Variants in DNAH12 observed in about 807,000 individuals in gnomAD.
The protein encoded by DNAH12 is axonemal beta dynein heavy chain 12.
DNAH12 carries 285 observed loss-of-function variants against 371.5 expected under a neutral mutation model. That is an observed-to-expected ratio of 0.77 (90% CI 0.70 to 0.85). The LOEUF is 0.85. Ranked by LOEUF, DNAH12 falls within the 40% of genes least tolerant of loss-of-function variation. The pLI, the probability that DNAH12 is intolerant of heterozygous loss-of-function variation, is 0.00. For missense variants in DNAH12, 3,611 were observed against 3,689.4 expected (o/e 0.98, Z 0.55); for synonymous variants, 1,200 against 1,213.0 (o/e 0.99, Z 0.22).
At chr3:57,331,656 C>T (rs936347734) in intron 62 of DNAH12, among the ~76,000 whole-genome samples, 4 of 152,040 alleles carry the variant, frequency 2.6e-5, no homozygotes, top group African/African-American at 4.8e-5. Context: ...AAGGAAGAAA[C>T]GAAGGGACTA....
At chr3:57,448,772 G>C (rs931978361) in intron 25 of DNAH12, among the ~76,000 whole-genome samples, 1 of 152,218 alleles carries the variant, frequency 6.6e-6, no homozygotes. Flanking sequence ...GTCCCCATCA[G>C]ATTAGTTAGA....
At chr3:57,366,264 T>A (rs1170236493) in intron 57 of DNAH12, among the ~76,000 whole-genome samples, 1 of 152,114 alleles carries the variant, frequency 6.6e-6, no homozygotes, top group Non-Finnish European at 1.5e-5. Flanking sequence ...AAAGTTACCC[T>A]CTATGGTCTA....
chr3:57,539,906 G>T (rs753588602), intron 2 of DNAH12, among the ~76,000 whole-genome samples: 4 of 151,628 alleles, frequency 2.6e-5, no homozygotes, highest in Non-Finnish European at 5.9e-5. Context: ...GTGAGCCACC[G>T]TGCCCGGCCC....
chr3:57,551,279 A>ATTTC, the DNAH12 span, among the ~76,000 whole-genome samples: 1 of 145,762 alleles, frequency 6.9e-6, no homozygotes, highest in Non-Finnish European at 1.5e-5. Flanking sequence ...TTATTTATTT[A>ATTTC]TTTATTTTTT....
chr3:57,358,111 T>C (rs1285453430), intron 58 of DNAH12, among the ~76,000 whole-genome samples: 1 of 152,206 alleles, frequency 6.6e-6, no homozygotes, highest in Admixed American at 6.5e-5. Flanking sequence ...GCCTATGTAG[T>C]CATGTTTATA....
chr3:57,437,004 T>A lies in DNAH12; in HGVS notation c.4602A>T (p.Lys1534Asn), dbSNP rs2065147206. Residue 1534 changes from lysine to asparagine, a missense_variant, in exon 30 of 74, where the codon AAA becomes AAT. This residue lies in a region of DNAH12 where 2,266 missense variants were observed against 2,236.9 expected (regional missense o/e 1.01). Transcript: ENST00000495027. Reference protein sequence around the residue: ...ACNVHNLQPVKFFLEKIIQTY... With the variant: ...ACNVHNLQPVNFFLEKIIQTY... Reference sequence around the variant, plus strand: ...TTTGAATTATTTTTTCAAGAAAAAATTTAACAGGCTGAAGATTATGTACAT... The same window carrying A: ...TTTGAATTATTTTTTCAAGAAAAAAATTAACAGGCTGAAGATTATGTACAT... 6.6e-7 allele frequency: 1 copy of A among 1,512,696 alleles called. No individual in the cohort carries two copies. Among genetic ancestry groups the A allele is most frequent in the South Asian group, 1.3e-5 (1 of 74,394 alleles). 93.7% of individuals were successfully genotyped at this position (1,512,696 alleles called of 1,614,324 possible). A position where few individuals can be genotyped will look rare whatever the true frequency, so the allele number is the denominator to read the frequency against.
intron 33 of DNAH12, among the ~76,000 whole-genome samples, chr3:57,429,089 C>T (rs1438472257): frequency 6.6e-6 from 1 of 152,180 alleles, no homozygotes; most frequent in Non-Finnish European, 1.5e-5. Flanking sequence ...AGAAGTCTTA[C>T]ATCTTCCTCA....
intron 65 of DNAH12, among the ~76,000 whole-genome samples, chr3:57,315,638 G>A (rs1317351568): frequency 1.3e-5 from 2 of 152,094 alleles, no homozygotes; most frequent in Admixed American, 6.6e-5. Context: ...AGAGAAAGAT[G>A]CGGGTGAAGG....
intron 11 of DNAH12, among the ~76,000 whole-genome samples, chr3:57,492,406 G>A (rs989935787): frequency 2.0e-5 from 3 of 152,002 alleles, no homozygotes; most frequent in Non-Finnish European, 4.4e-5. Flanking sequence ...GTTGTGGTGA[G>A]CCGAGATTGC....
At chr3:57,375,002 T>A (rs2063254667) in intron 55 of DNAH12, among the ~76,000 whole-genome samples, 1 of 152,138 alleles carries the variant, frequency 6.6e-6, no homozygotes. Context: ...GTTACACCAG[T>A]GTATATCTTT....
Position 57,413,808 on chromosome 3 carries a change from C to G in DNAH12, c.5958G>C (p.Leu1986Phe). ...TAGGTGGTTGAGCTCCATACTTCTC[C>G]AATGCAGGCATATTCATATCATCTA... ...IFIDDMNMPA[L>F]EKYGAQPPIE... Residue 1986 changes from leucine (L) to phenylalanine (F), a missense_variant, in exon 39 of 74, where the codon TTG becomes TTC. By Grantham distance (22) the Leu-to-Phe change is conservative. Coordinates refer to ENST00000495027, the MANE Select transcript of DNAH12 (RefSeq NM_001366028.2). The G allele has an allele frequency of 6.4e-7, 1 of 1,551,222 alleles. No individual in the cohort carries two copies. Among genetic ancestry groups the G allele is most frequent in the Non-Finnish European group, 8.7e-7 (1 of 1,146,750 alleles).
chr3:57,518,698 G>A (rs751819698), intron 4 of DNAH12, among the ~76,000 whole-genome samples: 2 of 152,192 alleles, frequency 1.3e-5, no homozygotes, highest in Admixed American at 6.5e-5. Context: ...TTGGGGAAGG[G>A]GAACAAGAAG....
chr3:57,358,593 A>G (rs2062851799), intron 58 of DNAH12, among the ~76,000 whole-genome samples: 1 of 152,202 alleles, frequency 6.6e-6, no homozygotes, highest in African/African-American at 2.4e-5. Flanking sequence ...TGAACTAAAA[A>G]TAAGTTTGGA....
chr3:57,510,047 T>A (rs1209767198), intron 5 of DNAH12, among the ~76,000 whole-genome samples: 1 of 151,904 alleles, frequency 6.6e-6, no homozygotes, highest in African/African-American at 2.4e-5. Flanking sequence ...ATTCCACACA[T>A]ATTTCAAAAC....
At chr3:57,463,882 C>A (rs2066126305) in intron 17 of DNAH12, among the ~76,000 whole-genome samples, 1 of 152,000 alleles carries the variant, frequency 6.6e-6, no homozygotes, top group Non-Finnish European at 1.5e-5. Flanking sequence ...ATTCTCCTGC[C>A]TCAGCCTCCC....
intron 58 of DNAH12, among the ~76,000 whole-genome samples, chr3:57,362,499 G>C (rs1050832757): frequency 1.4e-3 from 214 of 152,228 alleles, no homozygotes; most frequent in Non-Finnish European, 2.6e-3. Flanking sequence ...TAAAAGTGTT[G>C]CTATTTCTCC....
rs974473878 is a variant in DNAH12, at chr3:57,519,940, G to A, written c.279+3643C>T. On this transcript the variant is annotated intron_variant, in intron 4 of 73. Transcript: ENST00000495027. ...GAGCTAGAACATCTTGTCGCCTCCC[G>A]ACTTGGAGCCTGCGCTCCTGGAGTG... 1.7e-5 allele frequency: 15 copies of A among 898,440 alleles called. No individual in the cohort carries two copies. The Middle Eastern group carries it at 2.3e-3, about 139-fold the overall frequency. 55.7% of individuals were successfully genotyped at this position (898,440 alleles called of 1,614,324 possible). A position where few individuals can be genotyped will look rare whatever the true frequency, so the allele number is the denominator to read the frequency against.
Position 57,532,007 on chromosome 3 carries a change from G to T in DNAH12, c.171-8123C>A, listed in dbSNP as rs1237510350. On this transcript the variant is annotated intron_variant, in intron 2 of 73. Coordinates refer to ENST00000495027, the MANE Select transcript of DNAH12 (RefSeq NM_001366028.2). ...GGAGGCTATTTTCTAGATCTTGTAGGCATGTTTCATTCTTTTTTATTCTTT... is the reference window on the plus strand; with the variant it reads ...GGAGGCTATTTTCTAGATCTTGTAGTCATGTTTCATTCTTTTTTATTCTTT... 2.0e-5 allele frequency among the ~76,000 whole-genome samples: 3 copies of T among 151,870 alleles called. No homozygotes were observed. The South Asian group carries it at 6.2e-4, about 31-fold the overall frequency.
intron 60 of DNAH12, among the ~76,000 whole-genome samples, chr3:57,342,934 A>G (rs1285781375): frequency 6.6e-6 from 1 of 151,896 alleles, no homozygotes; most frequent in African/African-American, 2.4e-5. Flanking sequence ...TTAGCCAAGC[A>G]TGGTGGCTTG....
Sources: allele counts gnomAD v4.1 joint callset (sites outside exome capture counted in the v4.1 genomes callset), GRCh38; gene constraint gnomAD v4.1.1; regional missense constraint gnomAD v4.1.1; transcripts MANE v1.5; gene names NCBI Gene and HGNC (gene_info 2026-07-23, HGNC 2026-07-21).